The following TEKT3 variants were observed in gnomAD, a reference collection of about 807,000 sequenced individuals.
TEKT3 encodes the protein tektin-3.
A neutral mutation model predicts 49.8 loss-of-function variants in TEKT3; 49 were observed. The observed-to-expected ratio is 0.98, with a 90% CI of 0.78 to 1.25. The LOEUF is 1.25. Ranked by LOEUF, TEKT3 falls within the 50% of genes most tolerant of loss-of-function variation. TEKT3 has a pLI of 0.00. For synonymous variants in TEKT3, 225 were observed against 237.2 expected (o/e 0.95, Z 0.47); for missense variants, 595 against 629.5 (o/e 0.95, Z 0.59).
chr17:15,328,224 G>A, intron 3 of TEKT3, 149 bp from the exon 4 acceptor site: 2 of 626,524 alleles, frequency 3.2e-6, no homozygotes, highest in South Asian at 4.1e-5. Flanking sequence ...GAAACAGACT[G>A]TAACAACTAA....
intron 4 of TEKT3, among the ~76,000 whole-genome samples, chr17:15,321,929 G>C (rs1911284575): frequency 6.6e-6 from 1 of 152,164 alleles, no homozygotes. Context: ...GGCTTGGGGA[G>C]GTGGAATAGA....
chr17:15,321,261 G>A (rs533136940), intron 4 of TEKT3, among the ~76,000 whole-genome samples: 8 of 151,882 alleles, frequency 5.3e-5, no homozygotes, highest in Admixed American at 6.6e-5. Flanking sequence ...CACCCGCCTC[G>A]GCTTCCCAAA....
intron 8 of TEKT3, among the ~76,000 whole-genome samples, chr17:15,308,371 A>T (rs957021604): frequency 6.6e-6 from 1 of 152,110 alleles, no homozygotes; most frequent in African/African-American, 2.4e-5. Context: ...TTTTTTAAGG[A>T]TTTGTGGTAA....
Position 15,330,991 on chromosome 17 carries a change from T to C in TEKT3, c.579+16A>G. On this transcript the variant is annotated intron_variant, in intron 3 of 8. Transcript: ENST00000395930. ...ATAATCATAAAAATTCAGTGTGTTC[T>C]ATCATAAGGTCTTACCTGAAGAGGG... is the stretch of plus-strand genomic sequence containing the variant. 1 of 1,574,748 alleles carries C rather than the reference T, an allele frequency of 6.4e-7. No homozygotes were observed. The highest frequency in any genetic ancestry group is 8.6e-7 in the Non-Finnish European group (1 of 1,161,638).
chr17:15,339,839 T>A (rs1912147912), intron 2 of TEKT3, among the ~76,000 whole-genome samples, 189 bp downstream of exon 2: 1 of 152,042 alleles, frequency 6.6e-6, no homozygotes. Flanking sequence ...ATACCAGAAG[T>A]AGAAGAAATC....
chr17:15,305,705 C>T (rs571534510), intron 8 of TEKT3, among the ~76,000 whole-genome samples: 296 of 151,682 alleles, frequency 2.0e-3, no homozygotes, highest in African/African-American at 7.1e-3. Flanking sequence ...TGTGTCTTTA[C>T]TCCTTTCAGC....
chr17:15,325,667 CA>C (rs139537726), intron 4 of TEKT3, among the ~76,000 whole-genome samples: 5 of 151,816 alleles, frequency 3.3e-5, no homozygotes, highest in African/African-American at 9.7e-5. Context: ...AGCCAAGTAC[CA>C]AAAAAAATCT....
At position 15,338,821 on chromosome 17, in the gene TEKT3, A is replaced by G. The variant is rs542631925; in HGVS notation, c.-30+1207T>C. On this transcript the variant is annotated intron_variant, in intron 2 of 8. Coordinates refer to ENST00000395930, the MANE Select transcript of TEKT3 (RefSeq NM_031898.3). ...GTGAGCCACCGCGCCCAGCCAGTCA[A>G]TTCTTAAGAGAGCATGTGCAGCACA... 3.9e-5 allele frequency among the ~76,000 whole-genome samples: 6 copies of G among 151,958 alleles called. No individual in the cohort carries two copies. The East Asian group carries it at 5.8e-4, about 15-fold the overall frequency.
intron 5 of TEKT3, among the ~76,000 whole-genome samples, chr17:15,317,603 C>T (rs948738793): frequency 6.6e-6 from 1 of 152,190 alleles, no homozygotes; most frequent in Admixed American, 6.5e-5. Flanking sequence ...ATTAAATGAG[C>T]AGCATGGACG....
chr17:15,339,507 A>C (rs919945575), intron 2 of TEKT3, among the ~76,000 whole-genome samples: 1 of 152,210 alleles, frequency 6.6e-6, no homozygotes, highest in African/African-American at 2.4e-5. Context: ...TAACATACTA[A>C]ATATAGAATC....
rs13961 is a variant in TEKT3 at position 15,304,047 on chromosome 17, T to G, written c.1362A>C (p.Thr454=). The stretch of plus-strand genomic sequence containing the variant: ...CTTTGACAGCCAGGTCATACTCGAG[T>G]GTGGCTTTGATGTGGACCAGCGACT... The part of the protein sequence containing the change: ...TLQSLVHIKA[T]LEYDLAVKAN... Residue 454 remains threonine (T), a synonymous_variant, in exon 9 of 9, where the codon ACA becomes ACC. Coordinates refer to ENST00000395930, the MANE Select transcript of TEKT3 (RefSeq NM_031898.3). The surrounding 1 kb of genome is among the most constrained non-coding windows in gnomAD (Gnocchi z 4.7). The G allele has an allele frequency of 0.77, 1,248,965 of 1,613,930 alleles. 483,891 individuals are homozygous for G. Among genetic ancestry groups the G allele is most frequent in the African/African-American group, 0.83 (62,518 of 74,954 alleles).
At position 15,319,189 on chromosome 17, in the gene TEKT3, G is replaced by A. The variant is rs185536477; in HGVS notation, c.664-42C>T. 3.5e-3 allele frequency: 5,218 copies of A among 1,491,200 alleles called. 20 individuals carry two copies. Among genetic ancestry groups the A allele is most frequent in the Non-Finnish European group, 3.2e-3 (3,533 of 1,090,594 alleles). The allele number at this position is 1,491,200 out of a possible 1,614,324, so 92.4% of individuals were successfully genotyped here. On this transcript the variant is annotated intron_variant, in intron 4 of 8. Transcript: ENST00000395930. ...AAAACATATTAATGTTTTCATTATT[G>A]AATATAACACTCAAAATCAACAATG...
chr17:15,314,410 C>CTTTTTT, intron 5 of TEKT3, 180 bp from the exon 6 acceptor site: 1 of 737,436 alleles, frequency 1.4e-6, no homozygotes. Flanking sequence ...CATACCTCTA[C>CTTTTTT]GTCACTGGGA....
At chr17:15,335,800 TG>T (rs933914972) in intron 2 of TEKT3, among the ~76,000 whole-genome samples, 4 of 152,148 alleles carry the variant, frequency 2.6e-5, no homozygotes, top group African/African-American at 7.2e-5. Flanking sequence ...AATGGAAGAC[TG>T]GAGAAGAACC....
chr17:15,316,872 C>T (rs1438403310), intron 5 of TEKT3, among the ~76,000 whole-genome samples: 1 of 152,130 alleles, frequency 6.6e-6, no homozygotes, highest in Admixed American at 6.5e-5. Context: ...GCCTGGACAC[C>T]CTCTGATCTG....
chr17:15,320,258 T>G (rs1258826696), intron 4 of TEKT3, among the ~76,000 whole-genome samples: 1 of 152,212 alleles, frequency 6.6e-6, no homozygotes, highest in African/African-American at 2.4e-5. Flanking sequence ...TGTTCACCAT[T>G]TGCCTTTTTT....
chr17:15,328,007 T>C lies in TEKT3; in HGVS notation c.648A>G (p.Glu216=). 6.2e-7 allele frequency: 1 copy of C among 1,614,074 alleles called. No individual in the cohort carries two copies. Among genetic ancestry groups the C allele is most frequent in the Non-Finnish European group, 8.5e-7 (1 of 1,179,952 alleles). Residue 216 remains glutamate (E), a synonymous_variant, in exon 4 of 9, where the codon GAA becomes GAG. Coordinates refer to ENST00000395930, the MANE Select transcript of TEKT3 (RefSeq NM_031898.3). ...MGIDLVHDEV[E]AQLLTEVDTI... ...CCACATTTACCGTCAGCAGTTGTGC[T>C]TCAACTTCATCGTGAACTAGGTCGA...
intron 1 of TEKT3, among the ~76,000 whole-genome samples, chr17:15,341,116 T>C (rs2150758263): frequency 6.6e-6 from 1 of 152,302 alleles, no homozygotes; most frequent in East Asian, 1.9e-4. Flanking sequence ...GCTGCAGATC[T>C]GAAGGCTCGG....
intron 8 of TEKT3, chr17:15,307,006 T>C (rs1221756464): frequency 2.0e-5 from 3 of 152,184 alleles, no homozygotes; most frequent in African/African-American, 7.2e-5. Flanking sequence ...GAGTGATCTC[T>C]TCTGTGGCTA....
Sources: gnomAD v4.1 joint callset for allele counts (sites outside exome capture counted in the v4.1 genomes callset) on GRCh38, gnomAD v4.1.1 for gene constraint, Gnocchi (gnomAD v3.1) non-coding constraint, MANE v1.5 for transcripts, NCBI Gene and HGNC (gene_info 2026-07-23, HGNC 2026-07-21) for gene names.